CTXN2: variants seen among roughly 807,000 people sequenced by gnomAD.
CTXN2 encodes the protein cortexin-2.
CTXN2 carries 3 observed loss-of-function variants against 5.7 expected under a neutral mutation model. The observed-to-expected ratio is 0.53, with a 90% CI of 0.24 to 1.36. CTXN2 has a LOEUF of 1.36. Among genes scored for constraint, CTXN2 ranks in the 40% most tolerant of loss-of-function variants. The probability of loss-of-function intolerance (pLI) is 0.17; values close to 1 mark genes in which losing one functional copy is unlikely to be tolerated. For synonymous variants in CTXN2, 38 were observed against 36.4 expected, an observed-to-expected ratio of 1.04 and a Z score of -0.16; for missense variants, 87 against 93.0, an observed-to-expected ratio of 0.94 and a Z score of 0.26.
At chr15:48,193,088 A>T (rs1232201565) in intron 1 of CTXN2, among the ~76,000 whole-genome samples, 2 of 152,168 alleles carry the variant, frequency 1.3e-5, no homozygotes, top group African/African-American at 4.8e-5. Context: ...TTTTTTACTT[A>T]CTAGTTGCCA....
intron 1 of CTXN2, among the ~76,000 whole-genome samples, chr15:48,195,742 CT>C (rs975760256): frequency 2.0e-5 from 3 of 151,820 alleles, no homozygotes; most frequent in African/African-American, 7.3e-5. Flanking sequence ...TTTGGATCTT[CT>C]TTTTTTTCAC....
intron 1 of CTXN2, 47 bp from the exon 2 acceptor site, chr15:48,201,197 A>G: frequency 8.4e-7 from 1 of 1,189,742 alleles, no homozygotes; most frequent in Non-Finnish European, 1.2e-6. Flanking sequence ...CAACCTACCC[A>G]ATACCATACA....
At chr15:48,190,285 A>T (rs750608755), upstream of CTXN2, 10 of 152,256 alleles carry the variant, frequency 6.6e-5, no homozygotes, top group African/African-American at 2.4e-4. Context: ...GTTCCAGCCC[A>T]GAGTGCTAAT....
intron 1 of CTXN2, among the ~76,000 whole-genome samples, chr15:48,183,250 G>A (rs957190366): frequency 2.0e-5 from 3 of 152,140 alleles, no homozygotes; most frequent in African/African-American, 4.8e-5. Context: ...GTGTGCAATC[G>A]TGCTTTGAAA....
intron 1 of CTXN2, among the ~76,000 whole-genome samples, chr15:48,194,401 C>T (rs1353623438): frequency 6.6e-6 from 1 of 152,060 alleles, no homozygotes; most frequent in Non-Finnish European, 1.5e-5. Context: ...CACCTGACTC[C>T]ATTTTCTCAT....
chr15:48,191,841 A>G lies in CTXN2; in HGVS notation c.-70A>G, dbSNP rs565722180. The G allele has an allele frequency of 2.2e-6, 1 of 456,024 alleles. No individual in the cohort carries two copies. Among genetic ancestry groups the G allele is most frequent in the South Asian group, 1.5e-5 (1 of 64,552 alleles). The allele number at this position is 456,024 out of a possible 1,614,324, so 28.2% of individuals were successfully genotyped here. A position where few individuals can be genotyped will look rare whatever the true frequency, so the allele number is the denominator to read the frequency against. On this transcript the variant is annotated 5_prime_UTR_variant, in exon 1 of 2. Transcript: ENST00000417307. The stretch of plus-strand genomic sequence containing the variant: ...CTGGCTGGACTTCATCTCCATGGCA[A>G]CAAGCATGGAAGGTGAGACATCGCT...
intron 1 of CTXN2, among the ~76,000 whole-genome samples, chr15:48,183,974 C>G (rs1475154126): frequency 6.6e-6 from 1 of 152,194 alleles, no homozygotes; most frequent in African/African-American, 2.4e-5. Context: ...TTGCTTTGAG[C>G]ACTATCTAAA....
At chr15:48,198,557 A>G (rs1387190570) in intron 1 of CTXN2, among the ~76,000 whole-genome samples, 3 of 152,190 alleles carry the variant, frequency 2.0e-5, no homozygotes, top group Non-Finnish European at 2.9e-5. Flanking sequence ...TGATGGACAT[A>G]TTATATTCTA....
At chr15:48,199,851 G>C (rs980622356) in intron 1 of CTXN2, among the ~76,000 whole-genome samples, 17 of 151,796 alleles carry the variant, frequency 1.1e-4, no homozygotes, top group Non-Finnish European at 1.0e-4. Flanking sequence ...ACTCAACAGG[G>C]GTTTGAACAA....
At chr15:48,181,955 A>G (rs1019550462) in intron 1 of CTXN2, among the ~76,000 whole-genome samples, 7 of 152,206 alleles carry the variant, frequency 4.6e-5, no homozygotes, top group African/African-American at 1.7e-4. Context: ...ACTATGGTTT[A>G]TATTTGAAAT....
upstream of CTXN2, among the ~76,000 whole-genome samples, chr15:48,188,508 A>G (rs2040781543): frequency 6.6e-6 from 1 of 152,184 alleles, no homozygotes; most frequent in Non-Finnish European, 1.5e-5. Flanking sequence ...ATAGTAAGTT[A>G]TATGTTGACC....
At chr15:48,197,214 C>A (rs2040888095) in intron 1 of CTXN2, among the ~76,000 whole-genome samples, 1 of 151,976 alleles carries the variant, frequency 6.6e-6, no homozygotes, top group South Asian at 2.1e-4. Flanking sequence ...TTTGTAAAGG[C>A]TGTTTCCACA....
At position 48,201,394 on chromosome 15, in the gene CTXN2, G is replaced by T; in HGVS notation, c.94G>T (p.Ala32Ser). 2 of 1,551,366 alleles carry T rather than the reference G, an allele frequency of 1.3e-6. No homozygotes were observed. Among genetic ancestry groups the T allele is most frequent in the Non-Finnish European group, 1.7e-6 (2 of 1,146,748 alleles). ...GACTCTGGAGCAAAAAACTGGCTTTGCTTTTGTTGGGATTTTGTGTATCTT... is the reference window on the plus strand; with the variant it reads ...GACTCTGGAGCAAAAAACTGGCTTTTCTTTTGTTGGGATTTTGTGTATCTT... The part of the protein sequence containing the change: ...SLTLEQKTGF[A>S]FVGILCIFLG... The change falls in exon 2 of 2, where the codon GCT becomes TCT. Residue 32 changes from alanine (A) to serine (S), a missense_variant. By Grantham distance (99) the Ala-to-Ser change is moderately conservative. Coordinates refer to ENST00000417307, the MANE Select transcript of CTXN2 (RefSeq NM_001145668.2).
chr15:48,183,173 GCA>G (rs2040715050), intron 1 of CTXN2, among the ~76,000 whole-genome samples: 1 of 152,208 alleles, frequency 6.6e-6, no homozygotes, highest in Non-Finnish European at 1.5e-5. Context: ...GTAATATTTT[GCA>G]CAGTTTCTAA....
chr15:48,179,562 A>G (rs1365629492), intron 1 of CTXN2, among the ~76,000 whole-genome samples: 1 of 152,228 alleles, frequency 6.6e-6, no homozygotes, highest in African/African-American at 2.4e-5. Context: ...TTCAATTGTG[A>G]CAGACAAAAT....
At chr15:48,185,381 AGGG>A (rs2040740078) in intron 1 of CTXN2, among the ~76,000 whole-genome samples, 1 of 152,170 alleles carries the variant, frequency 6.6e-6, no homozygotes, top group Non-Finnish European at 1.5e-5. Context: ...CTGTGAGAAA[AGGG>A]ATGGGAGATA....
chr15:48,181,872 G>C (rs75593588), intron 1 of CTXN2, among the ~76,000 whole-genome samples: 6,740 of 152,170 alleles, frequency 0.044, 500 homozygotes, highest in African/African-American at 0.16. Context: ...TTGAAGGCAT[G>C]AAGTTTCTAA....
At chr15:48,199,986 T>C (rs538777733) in intron 1 of CTXN2, among the ~76,000 whole-genome samples, 6 of 152,268 alleles carry the variant, frequency 3.9e-5, no homozygotes, top group Admixed American at 2.6e-4. Context: ...TAAAACAAAA[T>C]ATTGATTGAT....
intron 1 of CTXN2, 81 bp from the exon 2 acceptor site, chr15:48,201,163 A>T: frequency 1.2e-6 from 1 of 835,096 alleles, no homozygotes; most frequent in Non-Finnish European, 1.8e-6. Flanking sequence ...GAAGGTTTGA[A>T]AAACGTCAGA....
Sources: gnomAD v4.1 joint callset for allele counts (sites outside exome capture counted in the v4.1 genomes callset) on GRCh38, gnomAD v4.1.1 for gene constraint, MANE v1.5 for transcripts, NCBI Gene and HGNC (gene_info 2026-07-23, HGNC 2026-07-21) for gene names.